The following KCNQ3 variants were observed in gnomAD, a reference collection of about 807,000 sequenced individuals.
KCNQ3 encodes the protein potassium voltage-gated channel subfamily Q member 3, also known as potassium voltage-gated channel subfamily KQT member 3.
Under a neutral mutation model 92.5 loss-of-function variants are expected in KCNQ3, and 30 were observed. That is an observed-to-expected ratio of 0.32 (90% CI 0.24 to 0.44). KCNQ3 has a LOEUF of 0.44. Among genes scored for constraint, KCNQ3 ranks in the 20% least tolerant of loss-of-function variants. The probability of loss-of-function intolerance (pLI) is 1.00; values close to 1 mark genes in which losing one functional copy is unlikely to be tolerated. For missense variants in KCNQ3, 913 were observed against 1,140.3 expected (o/e 0.80, Z 2.87); for synonymous variants, 450 against 468.8 (o/e 0.96, Z 0.52).
intron 10 of KCNQ3, 120 bp from the exon 11 acceptor site, chr8:132,140,298 C>G (rs1825245741): frequency 2.9e-6 from 2 of 683,996 alleles, no homozygotes; most frequent in Non-Finnish European, 5.1e-6. Flanking sequence ...GTCTTTATTT[C>G]CACGTTGCAA....
At chr8:132,328,399 G>A (rs1818125032) in intron 1 of KCNQ3, among the ~76,000 whole-genome samples, 1 of 152,100 alleles carries the variant, frequency 6.6e-6, no homozygotes, top group Admixed American at 6.5e-5. Flanking sequence ...GGCAGGCCAG[G>A]CCAGCCTCAT....
intron 1 of KCNQ3, among the ~76,000 whole-genome samples, chr8:132,198,326 T>G (rs1044009596): frequency 6.6e-6 from 1 of 152,238 alleles, no homozygotes; most frequent in African/African-American, 2.4e-5. Flanking sequence ...AAGCTATGAT[T>G]GGACTCCTGA....
intron 3 of KCNQ3, among the ~76,000 whole-genome samples, chr8:132,183,919 G>A (rs1198067736): frequency 6.6e-6 from 1 of 152,202 alleles, no homozygotes; most frequent in African/African-American, 2.4e-5. Flanking sequence ...GACTGGGGGT[G>A]CTACTACTCC....
At chr8:132,175,348 G>C in intron 5 of KCNQ3, 105 bp downstream of exon 5, 1 of 1,297,602 alleles carries the variant, frequency 7.7e-7, no homozygotes, top group Non-Finnish European at 1.1e-6. Context: ...ACCTCTGACT[G>C]CAGAATGCAG....
chr8:132,328,522 G>A (rs1238963498), intron 1 of KCNQ3, among the ~76,000 whole-genome samples: 2 of 152,058 alleles, frequency 1.3e-5, no homozygotes, highest in Non-Finnish European at 2.9e-5. Context: ...CAAGTTACTT[G>A]AGCTGGCGCA....
At position 132,124,702 on chromosome 8, in the gene KCNQ3, T is replaced by C. The variant is rs1275384880; in HGVS notation, c.*4560A>G. On this transcript the variant is annotated 3_prime_UTR_variant, in exon 15 of 15. Transcript: ENST00000388996. ...TTGGGTTGATTTGAATATAAACAACTTAGACTTTAAAAGTTCATCCTGAAA... is the reference window on the plus strand; with the variant it reads ...TTGGGTTGATTTGAATATAAACAACCTAGACTTTAAAAGTTCATCCTGAAA... 1.3e-5 allele frequency: 2 copies of C among 152,194 alleles called. No homozygotes were observed. The highest frequency in any genetic ancestry group is 2.4e-5 in the African/African-American group (1 of 41,452). 9.4% of individuals were successfully genotyped at this position (152,194 alleles called of 1,614,324 possible).
intron 1 of KCNQ3, among the ~76,000 whole-genome samples, chr8:132,360,665 C>T (rs1055931964): frequency 6.6e-6 from 1 of 152,218 alleles, no homozygotes; most frequent in Non-Finnish European, 1.5e-5. Context: ...CCTCTGACAT[C>T]TCTGGTCCCT....
intron 1 of KCNQ3, among the ~76,000 whole-genome samples, chr8:132,275,623 G>C (rs1378287544): frequency 6.6e-6 from 1 of 151,350 alleles, no homozygotes; most frequent in Non-Finnish European, 1.5e-5. Context: ...TGTCGCCCAG[G>C]CTGGAGTGCA....
intron 1 of KCNQ3, among the ~76,000 whole-genome samples, chr8:132,317,049 C>A (rs4736573): frequency 0.48 from 73,331 of 152,074 alleles, 18,151 homozygotes; most frequent in East Asian, 0.62. Flanking sequence ...AATTAGTAAC[C>A]AGAGGACAAT....
chr8:132,206,030 C>T lies in KCNQ3; in HGVS notation c.387-19849G>A, dbSNP rs991514927. Reference sequence around the variant, plus strand: ...GGAGAACAGGTTGCATGGCTCCCCTCGACCTCTCACACTTTCCAGAAGAAG... The same window carrying T: ...GGAGAACAGGTTGCATGGCTCCCCTTGACCTCTCACACTTTCCAGAAGAAG... On this transcript the variant is annotated intron_variant, in intron 1 of 14. Transcript: ENST00000388996. Among the ~76,000 whole-genome samples, 1 of 152,086 alleles carries T rather than the reference C, an allele frequency of 6.6e-6. No individual in the cohort carries two copies. Among genetic ancestry groups the T allele is most frequent in the Non-Finnish European group, 1.5e-5 (1 of 68,038 alleles).
chr8:132,190,088 C>T (rs541920052), intron 1 of KCNQ3, among the ~76,000 whole-genome samples: 70 of 152,176 alleles, frequency 4.6e-4, no homozygotes, highest in African/African-American at 1.4e-3. Context: ...TGGATCAGTG[C>T]ATGGGAAAAG....
At chr8:132,367,020 T>C (rs1563881290) in intron 1 of KCNQ3, among the ~76,000 whole-genome samples, 1 of 152,114 alleles carries the variant, frequency 6.6e-6, no homozygotes, top group African/African-American at 2.4e-5. Context: ...TCTTAAAAAA[T>C]GAGCAAGAAT....
intron 1 of KCNQ3, among the ~76,000 whole-genome samples, chr8:132,193,057 CCT>C (rs1827205347): frequency 6.6e-6 from 1 of 152,212 alleles, no homozygotes; most frequent in African/African-American, 2.4e-5. Flanking sequence ...CTGCTCCTCT[CCT>C]CTCTTGTTCC....
intron 1 of KCNQ3, among the ~76,000 whole-genome samples, chr8:132,458,257 T>C (rs1039746119): frequency 6.6e-6 from 1 of 152,192 alleles, no homozygotes; most frequent in Non-Finnish European, 1.5e-5. Context: ...AACAGTTCAC[T>C]ACAGTAGCTT....
At chr8:132,380,669 A>T (rs1586971393) in intron 1 of KCNQ3, among the ~76,000 whole-genome samples, 1 of 143,282 alleles carries the variant, frequency 7.0e-6, no homozygotes, top group African/African-American at 2.6e-5. Context: ...GTTTTTTCCC[A>T]CCCTCCCTCC....
chr8:132,220,294 G>A (rs955921248), intron 1 of KCNQ3, among the ~76,000 whole-genome samples: 1 of 152,092 alleles, frequency 6.6e-6, no homozygotes, highest in Non-Finnish European at 1.5e-5. Context: ...AAGAAAAACT[G>A]ACCACAGCCA....
intron 1 of KCNQ3, among the ~76,000 whole-genome samples, chr8:132,469,116 C>T (rs900103081): frequency 2.0e-5 from 3 of 152,200 alleles, no homozygotes; most frequent in Non-Finnish European, 2.9e-5. Flanking sequence ...CTATGACTCT[C>T]TTCGTCTTTC....
intron 11 of KCNQ3, among the ~76,000 whole-genome samples, chr8:132,139,609 T>TATG (rs1451678381): frequency 1.3e-5 from 2 of 152,236 alleles, no homozygotes; most frequent in Admixed American, 1.3e-4. Flanking sequence ...TAGAATGGAT[T>TATG]ATGGTCTCTG....
chr8:132,161,552 A>G (rs1197501416), intron 9 of KCNQ3, among the ~76,000 whole-genome samples: 1 of 152,110 alleles, frequency 6.6e-6, no homozygotes, highest in Non-Finnish European at 1.5e-5. Flanking sequence ...GAATCACTTG[A>G]ACCCAGGAAG....
Sources: allele counts gnomAD v4.1 joint callset (sites outside exome capture counted in the v4.1 genomes callset), GRCh38; gene constraint gnomAD v4.1.1; transcripts MANE v1.5; gene names NCBI Gene and HGNC (gene_info 2026-07-23, HGNC 2026-07-21).